LRCH3: variants seen among roughly 807,000 people sequenced by gnomAD.
LRCH3 encodes leucine rich repeats and calponin homology domain containing 3, also known as DISP complex protein LRCH3.
In LRCH3, 68 loss-of-function variants were observed where a neutral mutation model predicts 104.5. The observed-to-expected ratio is 0.65, with a 90% CI of 0.54 to 0.80. The LOEUF (loss-of-function observed/expected upper bound fraction) is 0.80, where lower values mean the gene tolerates loss of function less well. LRCH3 is among the 30% of genes least tolerant of loss of function. LRCH3 has a pLI of 0.00. For synonymous variants in LRCH3, 344 were observed against 361.3 expected, an observed-to-expected ratio of 0.95 and a Z score of 0.54; for missense variants, 951 against 953.9, an observed-to-expected ratio of 1.00 and a Z score of 0.04.
intron 20 of LRCH3, chr3:197,880,516 A>G: frequency 6.5e-7 from 1 of 1,536,010 alleles, no homozygotes; most frequent in Non-Finnish European, 8.7e-7. Flanking sequence ...GGACAGGACA[A>G]TCTTTGTTCC....
chr3:197,864,515 CAGG>C (rs1741233670), intron 15 of LRCH3, among the ~76,000 whole-genome samples: 1 of 147,256 alleles, frequency 6.8e-6, no homozygotes, highest in Non-Finnish European at 1.5e-5. Flanking sequence ...GAGGCTGAGG[CAGG>C]AGAATTGCTT....
chr3:197,795,428 G>A (rs908122620), intron 1 of LRCH3, among the ~76,000 whole-genome samples: 5 of 152,124 alleles, frequency 3.3e-5, no homozygotes, highest in Admixed American at 3.3e-4. Flanking sequence ...TTTGCAATCA[G>A]CACACATGAG....
At chr3:197,809,930 T>C (rs1031573129) in intron 1 of LRCH3, among the ~76,000 whole-genome samples, 1 of 152,150 alleles carries the variant, frequency 6.6e-6, no homozygotes, top group Non-Finnish European at 1.5e-5. Context: ...CTTAGTATTG[T>C]AAATGTTTTC....
intron 9 of LRCH3, among the ~76,000 whole-genome samples, chr3:197,838,109 A>G (rs1737143281): frequency 6.6e-6 from 1 of 150,796 alleles, no homozygotes; most frequent in Non-Finnish European, 1.5e-5. Context: ...GTCCTAGGAG[A>G]GATTTGTGTT....
intron 12 of LRCH3, among the ~76,000 whole-genome samples, chr3:197,852,117 T>G (rs1739690475): frequency 6.6e-6 from 1 of 152,204 alleles, no homozygotes; most frequent in Non-Finnish European, 1.5e-5. Flanking sequence ...GCTATAATGT[T>G]ATTATTAGAT....
At chr3:197,821,591 G>C (rs1734495675) in intron 4 of LRCH3, among the ~76,000 whole-genome samples, 1 of 152,166 alleles carries the variant, frequency 6.6e-6, no homozygotes. Context: ...AAACATTCCA[G>C]AAAAACAAGG....
chr3:197,827,659 A>C (rs1735382996), intron 5 of LRCH3, among the ~76,000 whole-genome samples: 1 of 152,164 alleles, frequency 6.6e-6, no homozygotes, highest in Non-Finnish European at 1.5e-5. Context: ...ATTTCTTTTT[A>C]AATTGAAGAA....
chr3:197,832,534 G>A (rs1736098031), intron 8 of LRCH3, among the ~76,000 whole-genome samples: 1 of 152,074 alleles, frequency 6.6e-6, no homozygotes, highest in African/African-American at 2.4e-5. Flanking sequence ...TTTCTCCCTT[G>A]TTTTTATTTT....
At chr3:197,847,325 A>G in intron 10 of LRCH3, 84 bp from the exon 11 acceptor site, 1 of 1,265,620 alleles carries the variant, frequency 7.9e-7, no homozygotes, top group Non-Finnish European at 1.1e-6. Flanking sequence ...CTACATTTAC[A>G]ATAAAAATTT....
chr3:197,880,614 T>C, intron 20 of LRCH3: 1 of 1,536,712 alleles, frequency 6.5e-7, no homozygotes, highest in South Asian at 1.2e-5. Flanking sequence ...AGAATCCAGT[T>C]TTGTCTGTCT....
chr3:197,812,503 A>ATTTTTTTTTTTT (rs1439272123), intron 1 of LRCH3, among the ~76,000 whole-genome samples: 13 of 8,574 alleles, frequency 1.5e-3, no homozygotes, highest in East Asian at 7.5e-3. Context: ...CTCTGCTTTC[A>ATTTTTTTTTTTT]GTTTTTTTTT....
chr3:197,861,968 G>A (rs1233238716), intron 15 of LRCH3, among the ~76,000 whole-genome samples: 1 of 152,074 alleles, frequency 6.6e-6, no homozygotes, highest in Non-Finnish European at 1.5e-5. Context: ...ATCACGCCCA[G>A]TAGTATATTA....
At chr3:197,846,791 A>G (rs1738794350) in intron 10 of LRCH3, among the ~76,000 whole-genome samples, 1 of 152,226 alleles carries the variant, frequency 6.6e-6, no homozygotes, top group African/African-American at 2.4e-5. Flanking sequence ...CAGAGACTTG[A>G]GCAATGAAAT....
At position 197,883,150 on chromosome 3, in the gene LRCH3, G is replaced by A. The variant is rs1713931499; in HGVS notation, c.2209-391G>A. 8.1e-6 allele frequency: 8 copies of A among 989,184 alleles called. No homozygotes were observed. The highest frequency in any genetic ancestry group is 7.2e-6 in the Non-Finnish European group (6 of 832,556). 61.3% of individuals were successfully genotyped at this position (989,184 alleles called of 1,614,324 possible). A position where few individuals can be genotyped will look rare whatever the true frequency, so the allele number is the denominator to read the frequency against. On this transcript the variant is annotated intron_variant, in intron 20 of 20. Transcript: ENST00000425562. The surrounding 1 kb of genome is among the most constrained non-coding windows in gnomAD (Gnocchi z 4.2). ...CAAGTGTAGTATCTTTTACTCTTGA[G>A]CCATCTGGTAGCGTGGAATTGTTTT...
At chr3:197,798,720 G>T (rs548769930) in intron 1 of LRCH3, among the ~76,000 whole-genome samples, 1 of 152,116 alleles carries the variant, frequency 6.6e-6, no homozygotes, top group South Asian at 2.1e-4. Context: ...TTGAGATTGT[G>T]TTTTTCTTGG....
chr3:197,846,968 G>A (rs535932803), intron 10 of LRCH3, among the ~76,000 whole-genome samples: 58 of 152,128 alleles, frequency 3.8e-4, no homozygotes, highest in Admixed American at 2.9e-3. Context: ...TTGCTTCATC[G>A]ATTGAAAATA....
chr3:197,849,595 T>A (rs1411286113), intron 12 of LRCH3, among the ~76,000 whole-genome samples: 4 of 152,194 alleles, frequency 2.6e-5, no homozygotes, highest in Non-Finnish European at 2.9e-5. Flanking sequence ...CATACAAACT[T>A]TTTTATATAG....
At chr3:197,861,327 A>G (rs1282825011) in intron 15 of LRCH3, among the ~76,000 whole-genome samples, 1 of 152,154 alleles carries the variant, frequency 6.6e-6, no homozygotes, top group African/African-American at 2.4e-5. Context: ...ACTTTTTTTC[A>G]AAATGATCTC....
chr3:197,837,673 A>G (rs991024259), intron 9 of LRCH3, among the ~76,000 whole-genome samples: 1 of 151,832 alleles, frequency 6.6e-6, no homozygotes, highest in African/African-American at 2.4e-5. Flanking sequence ...TTTTTTTTTA[A>G]TTAAACCAAT....
Sources: gnomAD v4.1 joint callset for allele counts (sites outside exome capture counted in the v4.1 genomes callset) on GRCh38, gnomAD v4.1.1 for gene constraint, Gnocchi (gnomAD v3.1) non-coding constraint, MANE v1.5 for transcripts, NCBI Gene and HGNC (gene_info 2026-07-23, HGNC 2026-07-21) for gene names.